ASCC3: variants seen among roughly 807,000 people sequenced by gnomAD.
ASCC3 encodes the protein ASC-1 complex subunit P200.
A neutral mutation model predicts 256.3 loss-of-function variants in ASCC3; 158 were observed. The ratio of observed to expected loss-of-function variants is 0.62; its 90% CI spans 0.54 to 0.70. The LOEUF is 0.70. ASCC3 is among the 30% of genes least tolerant of loss of function. The probability of loss-of-function intolerance (pLI) is 0.00; values close to 1 mark genes in which losing one functional copy is unlikely to be tolerated. For missense variants in ASCC3, 2,259 were observed against 2,626.0 expected (o/e 0.86, Z 3.05); for synonymous variants, 948 against 883.4 (o/e 1.07, Z -1.30).
chr6:100,614,535 G>T (rs1206149169), intron 30 of ASCC3, among the ~76,000 whole-genome samples: 1 of 152,056 alleles, frequency 6.6e-6, no homozygotes, highest in Non-Finnish European at 1.5e-5. Context: ...TTTCATAACT[G>T]AAGAGATGGC....
Position 100,725,963 on chromosome 6 carries a change from AT to A in ASCC3, c.1738-261del, listed in dbSNP as rs1199368198. 5.4e-5 allele frequency among the ~76,000 whole-genome samples: 7 copies of A among 130,050 alleles called. No homozygotes were observed. The East Asian group carries it at 2.8e-3, about 53-fold the overall frequency. The allele number at this position is 130,050 out of a possible 152,430, so 85.3% of individuals were successfully genotyped here. ...GTAGGGCAAAGTGTACAAAATACAC[AT>A]GTTTTTTTAAAAAGTATCTTACAAT... On this transcript the variant is annotated intron_variant, in intron 10 of 41. Coordinates refer to ENST00000369162, the MANE Select transcript of ASCC3 (RefSeq NM_006828.4).
chr6:100,748,490 A>G (rs1308054926), intron 10 of ASCC3, among the ~76,000 whole-genome samples: 2 of 152,196 alleles, frequency 1.3e-5, no homozygotes, highest in African/African-American at 4.8e-5. Flanking sequence ...GAAACAAAGC[A>G]CTATCCAGTG....
rs150982216 is a variant in ASCC3, at chr6:100,875,994, T to C, written c.-42+5067A>G. Among the ~76,000 whole-genome samples the C allele has an allele frequency of 5.3e-3, 801 of 152,000 alleles. 12 individuals are homozygous for C. The highest frequency in any genetic ancestry group is 6.3e-3 in the Non-Finnish European group (429 of 67,956). ...GAGTTTCTGAAAATAAAGGATAGAG[T>C]TGATCATGATTTTATCATAATCAGG... On this transcript the variant is annotated intron_variant, in intron 1 of 41. Transcript: ENST00000369162.
chr6:100,589,877 T>C (rs1771909286), intron 35 of ASCC3, 71 bp downstream of exon 35: 4 of 1,591,568 alleles, frequency 2.5e-6, no homozygotes, highest in South Asian at 2.2e-5. Context: ...ATTTTGATAG[T>C]ATTAAAAGCA....
chr6:100,530,844 T>C (rs1235851369), intron 37 of ASCC3: 2 of 1,250,106 alleles, frequency 1.6e-6, no homozygotes, highest in Non-Finnish European at 2.4e-6. Context: ...TAATAGAAGA[T>C]TTAAATTCTT....
At chr6:100,658,922 C>G (rs1211354107) in intron 16 of ASCC3, among the ~76,000 whole-genome samples, 1 of 151,382 alleles carries the variant, frequency 6.6e-6, no homozygotes, top group East Asian at 1.9e-4. Context: ...TCAGTAATGT[C>G]TGATGAATAA....
Position 100,509,228 on chromosome 6 carries a change from T to A in ASCC3, c.*158A>T, listed in dbSNP as rs1773635736. The A allele has an allele frequency of 2.2e-6, 2 of 915,212 alleles. No homozygotes were observed. The allele number at this position is 915,212 out of a possible 1,614,324, so 56.7% of individuals were successfully genotyped here. On this transcript the variant is annotated 3_prime_UTR_variant, in exon 42 of 42. Transcript: ENST00000369162. ...TAAAAGGCCACTGTGGTTAACTTTA[T>A]GTCACTGGAGTCAATACTGCAGCCA... is the stretch of plus-strand genomic sequence containing the variant.
At chr6:100,711,042 TATTTATCAATCTCAATAGGAA>T (rs879389945) in intron 13 of ASCC3, among the ~76,000 whole-genome samples, 3 of 152,196 alleles carry the variant, frequency 2.0e-5, no homozygotes, top group Admixed American at 6.5e-5. Flanking sequence ...TGGCTACATT[TATTTATCAATCTCAATAGGAA>T]AAAATTTTCA....
chr6:100,681,588 G>A (rs530443963), intron 13 of ASCC3, among the ~76,000 whole-genome samples: 205 of 151,736 alleles, frequency 1.4e-3, no homozygotes, highest in African/African-American at 4.6e-3. Flanking sequence ...TTAGCGGGGC[G>A]TGGTGGTGCG....
intron 20 of ASCC3, among the ~76,000 whole-genome samples, chr6:100,649,298 G>C (rs186877152): frequency 1.3e-5 from 2 of 151,534 alleles, no homozygotes; most frequent in African/African-American, 4.8e-5. Flanking sequence ...TATTCATCCA[G>C]AACCCAGTAA....
chr6:100,783,326 C>T (rs1344458083), intron 8 of ASCC3, among the ~76,000 whole-genome samples: 1 of 152,156 alleles, frequency 6.6e-6, no homozygotes, highest in Non-Finnish European at 1.5e-5. Flanking sequence ...AAGAAAACAG[C>T]AAGTGTTCTT....
At chr6:100,623,357 T>A (rs1400084815) in intron 30 of ASCC3, among the ~76,000 whole-genome samples, 4 of 152,174 alleles carry the variant, frequency 2.6e-5, no homozygotes, top group East Asian at 1.9e-4. Context: ...ATAGCCTGCA[T>A]ATTAAGCTAA....
intron 8 of ASCC3, among the ~76,000 whole-genome samples, chr6:100,785,200 T>C (rs967547948): frequency 3.9e-5 from 6 of 152,154 alleles, no homozygotes; most frequent in Non-Finnish European, 7.4e-5. Context: ...TAACCTAATA[T>C]TAAATCTGTG....
At chr6:100,604,522 A>G (rs76761473) in intron 33 of ASCC3, among the ~76,000 whole-genome samples, 4,600 of 151,942 alleles carry the variant, frequency 0.03, 78 homozygotes, top group African/African-American at 0.055. Context: ...GTGGTGTTAC[A>G]ACACATGTAC....
At chr6:100,832,214 A>T (rs942025903) in intron 4 of ASCC3, among the ~76,000 whole-genome samples, 1 of 152,128 alleles carries the variant, frequency 6.6e-6, no homozygotes, top group Non-Finnish European at 1.5e-5. Context: ...ATTCAGAAAG[A>T]ACGCTTATAA....
chr6:100,655,454 T>C lies in ASCC3; in HGVS notation c.2823+245A>G, dbSNP rs1228821144. 2.0e-5 allele frequency among the ~76,000 whole-genome samples: 3 copies of C among 151,838 alleles called. No homozygotes were observed. In the East Asian group the frequency reaches 5.8e-4, roughly 29 times the overall value. On this transcript the variant is annotated intron_variant, in intron 17 of 41. Coordinates refer to ENST00000369162, the MANE Select transcript of ASCC3 (RefSeq NM_006828.4). ...AAAATATTAATATCAAATAGAAATA[T>C]ACCTGAATACATGGATAATAGTACA... is the stretch of plus-strand genomic sequence containing the variant.
At chr6:100,865,135 G>A (rs1012793389) in intron 2 of ASCC3, among the ~76,000 whole-genome samples, 1 of 152,154 alleles carries the variant, frequency 6.6e-6, no homozygotes, top group African/African-American at 2.4e-5. Context: ...CAAAGGTAGA[G>A]ATGAAATAAG....
chr6:100,596,270 C>T (rs1772291055), intron 34 of ASCC3, among the ~76,000 whole-genome samples: 1 of 152,058 alleles, frequency 6.6e-6, no homozygotes. Context: ...CAAAACAAAT[C>T]TTCCATTAGT....
At chr6:100,665,581 CA>C (rs34217961) in intron 14 of ASCC3, among the ~76,000 whole-genome samples, 6 of 146,250 alleles carry the variant, frequency 4.1e-5, no homozygotes, top group South Asian at 2.2e-4. Context: ...AACAAACAAA[CA>C]AAAAAAAAAT....
Sources: gnomAD v4.1 joint callset for allele counts (sites outside exome capture counted in the v4.1 genomes callset) on GRCh38, gnomAD v4.1.1 for gene constraint, MANE v1.5 for transcripts, NCBI Gene and HGNC (gene_info 2026-07-23, HGNC 2026-07-21) for gene names.